Variants in PUS7 observed in about 807,000 individuals in gnomAD.
PUS7 encodes pseudouridylate synthase 7 homolog.
PUS7 carries 48 observed loss-of-function variants against 79.8 expected under a neutral mutation model. That is an observed-to-expected ratio of 0.60 (90% confidence interval 0.48 to 0.76). The LOEUF is 0.76. PUS7 is among the 30% of genes least tolerant of loss of function. The probability of loss-of-function intolerance (pLI) is 0.00; values close to 1 mark genes in which losing one functional copy is unlikely to be tolerated. For synonymous variants in PUS7, 286 were observed against 272.2 expected, an observed-to-expected ratio of 1.05 and a Z score of -0.50; for missense variants, 729 against 797.6, an observed-to-expected ratio of 0.91 and a Z score of 1.04.
chr7:105,470,560 C>G (rs1174738214), intron 11 of PUS7, 128 bp downstream of exon 11: 1 of 1,152,200 alleles, frequency 8.7e-7, no homozygotes, highest in African/African-American at 1.6e-5. Flanking sequence ...GGTGAAACAC[C>G]TCAGAGATCA....
chr7:105,512,177 T>A, intron 1 of PUS7, among the ~76,000 whole-genome samples: 1 of 141,168 alleles, frequency 7.1e-6, no homozygotes, highest in African/African-American at 2.6e-5. Context: ...AAAAAAATCC[T>A]TTGAAAGACA....
intron 10 of PUS7, 36 bp downstream of exon 10, chr7:105,472,096 T>G (rs1823898358): frequency 2.2e-6 from 3 of 1,377,296 alleles, no homozygotes; most frequent in East Asian, 2.3e-5. Flanking sequence ...TAGCCATACA[T>G]TCTATTTATT....
intron 15 of PUS7, 73 bp downstream of exon 15, chr7:105,459,095 C>CA (rs949535974): frequency 4.6e-4 from 445 of 970,830 alleles, no homozygotes; most frequent in South Asian, 6.7e-4. Context: ...GAGCAGTTTT[C>CA]AAAAAAAAAT....
At chr7:105,473,225 G>T (rs543184017) in intron 9 of PUS7, among the ~76,000 whole-genome samples, 1 of 152,000 alleles carries the variant, frequency 6.6e-6, no homozygotes, top group Non-Finnish European at 1.5e-5. Context: ...CTACATATTT[G>T]ATGATTATAA....
chr7:105,482,701 C>T (rs818469), intron 7 of PUS7, among the ~76,000 whole-genome samples: 39,330 of 151,946 alleles, frequency 0.26, 5,210 homozygotes, highest in African/African-American at 0.34. Context: ...TTGTTATTTA[C>T]ATGCTGATGA....
intron 5 of PUS7, among the ~76,000 whole-genome samples, chr7:105,497,583 C>A (rs993195176): frequency 6.6e-6 from 1 of 152,114 alleles, no homozygotes; most frequent in Non-Finnish European, 1.5e-5. Context: ...TTTGAACAAG[C>A]CATCTGCATA....
chr7:105,493,711 C>G (rs578107791), intron 6 of PUS7, among the ~76,000 whole-genome samples: 9 of 152,192 alleles, frequency 5.9e-5, no homozygotes, highest in Non-Finnish European at 1.0e-4. Context: ...CACACAGATA[C>G]CAGGGGTGTG....
chr7:105,485,482 T>C (rs1824508197), intron 7 of PUS7, among the ~76,000 whole-genome samples: 1 of 152,252 alleles, frequency 6.6e-6, no homozygotes, highest in East Asian at 1.9e-4. Flanking sequence ...AGTGCTGGGA[T>C]TACAGGCATG....
intron 1 of PUS7, among the ~76,000 whole-genome samples, chr7:105,511,967 A>G (rs540302045): frequency 7.2e-4 from 110 of 152,062 alleles, no homozygotes; most frequent in Admixed American, 4.4e-3. Context: ...AACATGGTAA[A>G]ACCCCATCTC....
intron 15 of PUS7, among the ~76,000 whole-genome samples, chr7:105,458,599 G>A (rs766058810): frequency 5.0e-4 from 69 of 139,362 alleles, no homozygotes; most frequent in Non-Finnish European, 8.6e-4. Context: ...TTGAGATGGA[G>A]TCTCGTTTTG....
chr7:105,495,095 C>A, intron 6 of PUS7, 47 bp downstream of exon 6: 3 of 1,121,960 alleles, frequency 2.7e-6, no homozygotes, highest in Non-Finnish European at 3.9e-6. Context: ...AAGGAATATA[C>A]GTTTCTGTTG....
chr7:105,477,000 G>A (rs1824140184), intron 9 of PUS7, among the ~76,000 whole-genome samples: 1 of 152,110 alleles, frequency 6.6e-6, no homozygotes. Flanking sequence ...TGTATGATTT[G>A]AAATATTTTC....
chr7:105,466,233 C>G (rs970724312), intron 12 of PUS7, among the ~76,000 whole-genome samples: 3 of 151,736 alleles, frequency 2.0e-5, no homozygotes, highest in Admixed American at 1.3e-4. Flanking sequence ...AAATAAAAAT[C>G]AAGGACTTAG....
intron 6 of PUS7, among the ~76,000 whole-genome samples, chr7:105,494,427 T>G (rs1015695535): frequency 6.8e-6 from 1 of 147,634 alleles, no homozygotes; most frequent in African/African-American, 2.5e-5. Flanking sequence ...TTTTTTTTTT[T>G]TGAGATGGAG....
intron 14 of PUS7, among the ~76,000 whole-genome samples, chr7:105,459,908 A>G (rs982194903): frequency 3.3e-5 from 5 of 152,208 alleles, no homozygotes; most frequent in South Asian, 2.1e-4. Flanking sequence ...ATTTCTTCAC[A>G]TTAATAATTA....
intron 14 of PUS7, among the ~76,000 whole-genome samples, chr7:105,459,838 C>T (rs894755489): frequency 1.3e-4 from 20 of 152,058 alleles, no homozygotes; most frequent in Non-Finnish European, 2.5e-4. Flanking sequence ...TTTGGGCGGC[C>T]GAGGTGGGAT....
At chr7:105,484,279 G>A (rs1214583076) in intron 7 of PUS7, among the ~76,000 whole-genome samples, 2 of 152,098 alleles carry the variant, frequency 1.3e-5, no homozygotes, top group African/African-American at 4.8e-5. Flanking sequence ...TGTGTTGACT[G>A]AAACTGTGTT....
At chr7:105,502,329 A>G (rs1217750482) in intron 5 of PUS7, 91 bp downstream of exon 5, 4 of 1,454,584 alleles carry the variant, frequency 2.7e-6, no homozygotes, top group Non-Finnish European at 3.8e-6. Flanking sequence ...GCACTATAGT[A>G]GCCCTTGAAC....
At chr7:105,478,487 T>C (rs1271850653) in intron 9 of PUS7, among the ~76,000 whole-genome samples, 1 of 152,220 alleles carries the variant, frequency 6.6e-6, no homozygotes. Flanking sequence ...ATTCTCTGCC[T>C]TTTTTATTTT....
Sources: allele counts gnomAD v4.1 joint callset (sites outside exome capture counted in the v4.1 genomes callset), GRCh38; gene constraint gnomAD v4.1.1; transcripts MANE v1.5; gene names NCBI Gene and HGNC (gene_info 2026-07-23, HGNC 2026-07-21).